XKR4: variants seen among roughly 807,000 people sequenced by gnomAD.
The protein encoded by XKR4 is XK-related protein 4.
In XKR4, 12 loss-of-function variants were observed where a neutral mutation model predicts 53.9. That is an observed-to-expected ratio of 0.22 (90% CI 0.14 to 0.36). XKR4 has a LOEUF of 0.36. Among genes scored for constraint, XKR4 ranks in the 10% least tolerant of loss-of-function variants. The probability of loss-of-function intolerance (pLI) is 1.00; values close to 1 mark genes in which losing one functional copy is unlikely to be tolerated. For missense variants in XKR4, 799 were observed against 859.5 expected (o/e 0.93, Z 0.88); for synonymous variants, 354 against 362.4 (o/e 0.98, Z 0.26).
intron 1 of XKR4, among the ~76,000 whole-genome samples, chr8:55,253,860 G>GT (rs1309718346): frequency 4.6e-5 from 7 of 150,718 alleles, no homozygotes; most frequent in African/African-American, 1.7e-4. Flanking sequence ...AGCTGGGACT[G>GT]TAAGTGCACG....
chr8:55,464,079 C>A (rs139226987), intron 2 of XKR4, among the ~76,000 whole-genome samples: 39 of 152,140 alleles, frequency 2.6e-4, no homozygotes, highest in African/African-American at 8.9e-4. Flanking sequence ...CCTTCTGAAA[C>A]TATTCCAATC....
At chr8:55,393,783 T>C (rs762238483) in intron 2 of XKR4, among the ~76,000 whole-genome samples, 1 of 152,180 alleles carries the variant, frequency 6.6e-6, no homozygotes, top group Admixed American at 6.5e-5. Flanking sequence ...ACGTCCCTTT[T>C]AAAGACATTG....
chr8:55,381,453 C>T (rs1284089095), intron 2 of XKR4, among the ~76,000 whole-genome samples: 1 of 152,158 alleles, frequency 6.6e-6, no homozygotes, highest in Admixed American at 6.5e-5. Flanking sequence ...GACAGTGTAG[C>T]TCAGCCAGGG....
At chr8:55,405,398 C>T (rs766291871) in intron 2 of XKR4, among the ~76,000 whole-genome samples, 4 of 152,220 alleles carry the variant, frequency 2.6e-5, no homozygotes, top group Non-Finnish European at 4.4e-5. Flanking sequence ...ATAGCTGCTG[C>T]CTTTCATTAT....
intron 2 of XKR4, among the ~76,000 whole-genome samples, chr8:55,465,794 AAAAC>A (rs1367232434): frequency 6.6e-6 from 1 of 152,078 alleles, no homozygotes; most frequent in Non-Finnish European, 1.5e-5. Context: ...TTACAAGAAA[AAAAC>A]AAACAACCCC....
chr8:55,449,749 G>T, intron 2 of XKR4: 1 of 1,000,138 alleles, frequency 1.0e-6, no homozygotes, highest in Non-Finnish European at 1.6e-6. Context: ...AGCGTAGCTG[G>T]TGCTTGGTCT....
At chr8:55,334,036 G>A (rs370465031) in intron 1 of XKR4, among the ~76,000 whole-genome samples, 4 of 152,140 alleles carry the variant, frequency 2.6e-5, no homozygotes, top group African/African-American at 9.7e-5. Context: ...AGGATCTGGA[G>A]TTTCCTAGTG....
chr8:55,179,736 A>G (rs1272470899), intron 1 of XKR4, among the ~76,000 whole-genome samples: 1 of 152,202 alleles, frequency 6.6e-6, no homozygotes, highest in Admixed American at 6.5e-5. Flanking sequence ...GAGTGCAGCA[A>G]TAGTACAGAA....
Position 55,251,320 on chromosome 8 carries a change from T to G in XKR4, c.807-106358T>G, listed in dbSNP as rs75938817. 3.9e-3 allele frequency among the ~76,000 whole-genome samples: 601 copies of G among 152,328 alleles called. 6 individuals are homozygous for G. Among genetic ancestry groups the G allele is most frequent in the African/African-American group, 0.014 (565 of 41,576 alleles). ...TCCAGAACTATGAAAATCGCCCACA[T>G]TCATTTAAGGTCAAGATTAACGGAG... On this transcript the variant is annotated intron_variant, in intron 1 of 2. Transcript: ENST00000327381.
chr8:55,366,806 T>C (rs371729258), intron 2 of XKR4, among the ~76,000 whole-genome samples: 73 of 152,240 alleles, frequency 4.8e-4, no homozygotes, highest in African/African-American at 1.7e-3. Flanking sequence ...GGAATTACCC[T>C]CTCTCTCCCT....
intron 2 of XKR4, among the ~76,000 whole-genome samples, chr8:55,392,387 A>T (rs995084870): frequency 2.6e-5 from 4 of 152,242 alleles, no homozygotes; most frequent in Non-Finnish European, 5.9e-5. Context: ...CAAAGCCAAC[A>T]CAAAGGGACT....
chr8:55,179,351 G>A (rs1048435145), intron 1 of XKR4, among the ~76,000 whole-genome samples: 2 of 152,020 alleles, frequency 1.3e-5, no homozygotes, highest in Non-Finnish European at 2.9e-5. Context: ...TGCCAGTGCC[G>A]ACATGCAAGA....
chr8:55,463,916 A>G (rs1019094481), intron 2 of XKR4, among the ~76,000 whole-genome samples: 2 of 152,182 alleles, frequency 1.3e-5, no homozygotes, highest in African/African-American at 4.8e-5. Flanking sequence ...CTCTCCCAAG[A>G]CTAAACCAGG....
At chr8:55,130,883 C>A (rs1438490232) in intron 1 of XKR4, among the ~76,000 whole-genome samples, 2 of 152,058 alleles carry the variant, frequency 1.3e-5, no homozygotes, top group Admixed American at 6.6e-5. Context: ...AATGCAGACT[C>A]TTGCGGTGGC....
At chr8:55,479,093 A>G (rs986565330) in intron 2 of XKR4, among the ~76,000 whole-genome samples, 4 of 152,142 alleles carry the variant, frequency 2.6e-5, no homozygotes, top group Non-Finnish European at 4.4e-5. Context: ...TCAACAGAAT[A>G]TACATTCTTT....
intron 2 of XKR4, among the ~76,000 whole-genome samples, chr8:55,504,187 TTTTTGTTTTG>T (rs34175312): frequency 2.2e-3 from 325 of 146,010 alleles, no homozygotes; most frequent in Middle Eastern, 3.4e-3. Flanking sequence ...GTTGTTGTTG[TTTTTGTTTTG>T]TTTTGTTTTG....
chr8:55,203,231 G>A (rs1817599580), intron 1 of XKR4, among the ~76,000 whole-genome samples: 1 of 152,200 alleles, frequency 6.6e-6, no homozygotes, highest in Admixed American at 6.5e-5. Context: ...TTGCACTATT[G>A]CGCCTGCCAT....
chr8:55,119,296 C>T (rs1381830721), intron 1 of XKR4, among the ~76,000 whole-genome samples: 1 of 152,100 alleles, frequency 6.6e-6, no homozygotes, highest in Admixed American at 6.5e-5. Context: ...AGAAGAGACT[C>T]TCAGACTGGG....
intron 1 of XKR4, among the ~76,000 whole-genome samples, chr8:55,207,638 ACACACACACACGCG>A (rs1817668646): frequency 6.6e-6 from 1 of 150,996 alleles, no homozygotes; most frequent in African/African-American, 2.5e-5. Context: ...ATGCGCGCGC[ACACACACACACGCG>A]CACACACACA....
Sources: allele counts gnomAD v4.1 joint callset (sites outside exome capture counted in the v4.1 genomes callset), GRCh38; gene constraint gnomAD v4.1.1; transcripts MANE v1.5; gene names NCBI Gene and HGNC (gene_info 2026-07-23, HGNC 2026-07-21).